ROBO2: variants seen among roughly 807,000 people sequenced by gnomAD.
The protein encoded by ROBO2 is roundabout guidance receptor 2.
A neutral mutation model predicts 160.8 loss-of-function variants in ROBO2; 53 were observed. The ratio of observed to expected loss-of-function variants is 0.33; its 90% CI spans 0.26 to 0.41. The LOEUF (loss-of-function observed/expected upper bound fraction) is 0.41. ROBO2 is among the 10% of genes least tolerant of loss of function. ROBO2 has a pLI of 1.00. For missense variants in ROBO2, 1,577 were observed against 1,722.4 expected, an observed-to-expected ratio of 0.92 and a Z score of 1.49; for synonymous variants, 664 against 611.7, an observed-to-expected ratio of 1.09 and a Z score of -1.26.
rs2068591105 is a variant in ROBO2, at chr3:77,080,959, G to T, written c.62-17055G>T. ...CCGGAGTTGCCTGTTTTGTTTAATGGCTCAAGTATTTGACATTAATATTGA... is the reference window on the plus strand; with the variant it reads ...CCGGAGTTGCCTGTTTTGTTTAATGTCTCAAGTATTTGACATTAATATTGA... On this transcript the variant is annotated intron_variant, in intron 1 of 25. Transcript: ENST00000461745. Among the ~76,000 whole-genome samples the T allele has an allele frequency of 2.6e-5, 4 of 152,176 alleles. No homozygotes were observed. In the South Asian group the frequency reaches 8.3e-4, roughly 32 times the overall value.
At chr3:75,944,171 C>A (rs1240377515) in intron 2 of ROBO2, among the ~76,000 whole-genome samples, 1 of 152,070 alleles carries the variant, frequency 6.6e-6, no homozygotes, top group Non-Finnish European at 1.5e-5. Flanking sequence ...CTCACTTTAT[C>A]CTGTGATCAG....
chr3:76,755,670 T>C (rs267112), intron 2 of ROBO2, among the ~76,000 whole-genome samples: 128,575 of 151,588 alleles, frequency 0.85, 54,659 homozygotes, highest in African/African-American at 0.89. Flanking sequence ...CTTTTTTCAG[T>C]TTTGTACATA....
intron 2 of ROBO2, among the ~76,000 whole-genome samples, chr3:76,622,193 AG>A: frequency 2.2e-5 from 1 of 45,668 alleles, no homozygotes; most frequent in East Asian, 6.6e-4. Context: ...AAAAAAAGAA[AG>A]GAAGGAAGGA....
At chr3:76,712,579 G>A (rs2093315565) in intron 2 of ROBO2, among the ~76,000 whole-genome samples, 1 of 152,008 alleles carries the variant, frequency 6.6e-6, no homozygotes, top group South Asian at 2.1e-4. Flanking sequence ...GAAGGCTGAG[G>A]CCAGAGAATC....
chr3:76,353,691 A>G (rs966795964), intron 2 of ROBO2, among the ~76,000 whole-genome samples: 3 of 151,984 alleles, frequency 2.0e-5, no homozygotes, highest in Admixed American at 6.6e-5. Context: ...TCTTTGAGAC[A>G]CTACAACCTT....
At chr3:77,313,973 G>A (rs2063756943) in intron 2 of ROBO2, among the ~76,000 whole-genome samples, 2 of 152,134 alleles carry the variant, frequency 1.3e-5, no homozygotes, top group African/African-American at 2.4e-5. Flanking sequence ...TGTTGGCTGG[G>A]GCCTTGCTCT....
intron 2 of ROBO2, among the ~76,000 whole-genome samples, chr3:76,803,523 A>G (rs1245936928): frequency 6.6e-6 from 1 of 151,650 alleles, no homozygotes; most frequent in Non-Finnish European, 1.5e-5. Flanking sequence ...GAGGGAGGCG[A>G]GAAAAAAGAA....
At chr3:77,287,190 ACATT>A (rs1458407856) in intron 2 of ROBO2, among the ~76,000 whole-genome samples, 1 of 152,226 alleles carries the variant, frequency 6.6e-6, no homozygotes, top group African/African-American at 2.4e-5. Flanking sequence ...ACTTACTAAC[ACATT>A]CACTCATACA....
intron 2 of ROBO2, among the ~76,000 whole-genome samples, chr3:76,222,121 A>G (rs1704005278): frequency 6.6e-6 from 1 of 152,066 alleles, no homozygotes; most frequent in Admixed American, 6.6e-5. Context: ...TGCATGCATA[A>G]CCTTCATCCC....
At chr3:76,571,173 C>A (rs1034123871) in intron 2 of ROBO2, among the ~76,000 whole-genome samples, 2 of 151,956 alleles carry the variant, frequency 1.3e-5, no homozygotes, top group African/African-American at 2.4e-5. Flanking sequence ...GAAAAGAAAC[C>A]AGGAAATACT....
At chr3:76,419,970 C>T (rs1021042792) in intron 2 of ROBO2, among the ~76,000 whole-genome samples, 17 of 152,106 alleles carry the variant, frequency 1.1e-4, no homozygotes, top group Admixed American at 2.6e-4. Flanking sequence ...TAACTTTTCT[C>T]TAGGGTTTTA....
intron 2 of ROBO2, among the ~76,000 whole-genome samples, chr3:77,367,657 G>A (rs930483901): frequency 1.3e-5 from 2 of 152,186 alleles, no homozygotes; most frequent in Admixed American, 6.6e-5. Flanking sequence ...GTAATTTTCC[G>A]TGGTTCTGTG....
At chr3:76,241,437 A>G (rs1306184778) in intron 2 of ROBO2, among the ~76,000 whole-genome samples, 2 of 152,236 alleles carry the variant, frequency 1.3e-5, no homozygotes. Flanking sequence ...AAGATATAGC[A>G]GAGAACAGAA....
At chr3:76,491,546 C>A (rs1437766025) in intron 2 of ROBO2, among the ~76,000 whole-genome samples, 2 of 152,170 alleles carry the variant, frequency 1.3e-5, no homozygotes, top group Non-Finnish European at 2.9e-5. Flanking sequence ...GGCATATACT[C>A]TTTTAAGCAA....
chr3:75,970,424 G>C (rs948820130), intron 2 of ROBO2, among the ~76,000 whole-genome samples: 3 of 151,504 alleles, frequency 2.0e-5, no homozygotes, highest in African/African-American at 4.8e-5. Flanking sequence ...GCATTTTCAT[G>C]ATGAGGCTGT....
intron 2 of ROBO2, among the ~76,000 whole-genome samples, chr3:76,580,354 G>GTTTTTTTTTTTTTGT (rs1457222056): frequency 8.6e-5 from 4 of 46,364 alleles, no homozygotes; most frequent in African/African-American, 3.0e-4. Flanking sequence ...TTTTTTTTTT[G>GTTTTTTTTTTTTTGT]TTTTTTTTTT....
intron 2 of ROBO2, among the ~76,000 whole-genome samples, chr3:76,817,715 A>G (rs1251100577): frequency 6.6e-6 from 1 of 151,832 alleles, no homozygotes; most frequent in Non-Finnish European, 1.5e-5. Context: ...CTCACAGCTT[A>G]GCTCCGAATT....
At chr3:75,994,580 G>T (rs1172610153) in intron 2 of ROBO2, among the ~76,000 whole-genome samples, 1 of 152,130 alleles carries the variant, frequency 6.6e-6, no homozygotes, top group Non-Finnish European at 1.5e-5. Flanking sequence ...GTTTCCTGAG[G>T]CTTCCTCAGC....
chr3:77,332,264 C>A (rs1361267945), intron 2 of ROBO2, among the ~76,000 whole-genome samples: 1 of 152,074 alleles, frequency 6.6e-6, no homozygotes, highest in Non-Finnish European at 1.5e-5. Context: ...TCATTGGAAC[C>A]TTTTGTGACC....
Sources: allele counts gnomAD v4.1 joint callset (sites outside exome capture counted in the v4.1 genomes callset), GRCh38; gene constraint gnomAD v4.1.1; transcripts MANE v1.5; gene names NCBI Gene and HGNC (gene_info 2026-07-23, HGNC 2026-07-21).